Variants in CNTN2 observed in about 807,000 individuals in gnomAD.
The protein encoded by CNTN2 is contactin 2.
Under a neutral mutation model 117.5 loss-of-function variants are expected in CNTN2, and 53 were observed. That is an observed-to-expected ratio of 0.45 (90% CI 0.36 to 0.57). The LOEUF (loss-of-function observed/expected upper bound fraction) is 0.57, where lower values mean the gene tolerates loss of function less well. Among genes scored for constraint, CNTN2 ranks in the 20% least tolerant of loss-of-function variants. CNTN2 has a pLI of 0.00. For missense variants in CNTN2, 1,106 were observed against 1,404.3 expected, an observed-to-expected ratio of 0.79 and a Z score of 3.39; for synonymous variants, 530 against 561.7, an observed-to-expected ratio of 0.94 and a Z score of 0.80.
In CNTN2 at chr1:205,058,483, A is replaced by G; in HGVS notation, c.392-85A>G. ...GACCTCACATGACATGCCTTAGTGA[A>G]CTGCTGCTTCTCCGTGAAGGATGAG... On this transcript the variant is annotated intron_variant, in intron 4 of 22. Transcript: ENST00000331830. This position sits in a 1 kb window ranked among gnomAD's most constrained non-coding sequence, Gnocchi z 4.3. 6.4e-7 allele frequency: 1 copy of G among 1,556,964 alleles called. No individual in the cohort carries two copies. Among genetic ancestry groups the G allele is most frequent in the Non-Finnish European group, 8.8e-7 (1 of 1,134,556 alleles).
chr1:205,062,554 G>A lies in CNTN2; in HGVS notation c.1225G>A (p.Glu409Lys), dbSNP rs1332074487. 3.7e-6 allele frequency: 6 copies of A among 1,613,202 alleles called. No individual in the cohort carries two copies. Among genetic ancestry groups the A allele is most frequent in the East Asian group, 2.2e-5 (1 of 44,854 alleles). Reference sequence around the variant, plus strand: ...GCACGGTACCATCTACGCCAGCGCCGAGCTAGCCGTGCAAGGTAAGGGGCC... The same window carrying A: ...GCACGGTACCATCTACGCCAGCGCCAAGCTAGCCGTGCAAGGTAAGGGGCC... ...NKHGTIYASA[E>K]LAVQALAPDF... is the part of the protein sequence containing the mutation. The change falls in exon 10 of 23, where the codon GAG (glutamate) becomes AAG (lysine). Residue 409 changes from glutamate to lysine, a missense_variant. Coordinates refer to ENST00000331830, the MANE Select transcript of CNTN2 (RefSeq NM_005076.5).
At position 205,075,533 on chromosome 1, in the gene CNTN2, G is replaced by A. The variant is rs1654814970; in HGVS notation, c.*1768G>A. The A allele has an allele frequency of 1.3e-5, 2 of 152,648 alleles. No homozygotes were observed. Among genetic ancestry groups the A allele is most frequent in the Non-Finnish European group, 1.5e-5 (1 of 68,048 alleles). 9.5% of individuals were successfully genotyped at this position (152,648 alleles called of 1,614,324 possible). Reference sequence around the variant, plus strand: ...GGAAGCTCCGAGCCTGTTTTCTGTAGTTTATAGTTAGAGCTCTATTTTGTT... The same window carrying A: ...GGAAGCTCCGAGCCTGTTTTCTGTAATTTATAGTTAGAGCTCTATTTTGTT... On this transcript the variant is annotated 3_prime_UTR_variant, in exon 23 of 23. Coordinates refer to ENST00000331830, the MANE Select transcript of CNTN2 (RefSeq NM_005076.5).
rs1653963100 is a variant in CNTN2, at chr1:205,061,257, G to A, written c.810G>A (p.Arg270=). ...ECFAFGNPVP[R]IKWRKVDGSL... ...TCTCTCCTGCCAGCCCTGTCCCCCGGATCAAGTGGCGCAAAGTGGACGGCT... is the reference window on the plus strand; with the variant it reads ...TCTCTCCTGCCAGCCCTGTCCCCCGAATCAAGTGGCGCAAAGTGGACGGCT... The change falls in exon 8 of 23, where the codon CGG becomes CGA. Residue 270 remains arginine, a synonymous_variant. Coordinates refer to ENST00000331830, the MANE Select transcript of CNTN2 (RefSeq NM_005076.5). This position sits in a 1 kb window ranked among gnomAD's most constrained non-coding sequence, Gnocchi z 4.8. The A allele has an allele frequency of 1.2e-6, 2 of 1,610,240 alleles. No individual in the cohort carries two copies. Among genetic ancestry groups the A allele is most frequent in the Non-Finnish European group, 1.7e-6 (2 of 1,177,202 alleles).
At chr1:205,062,263 G>T (rs1654030587) in intron 9 of CNTN2, 177 bp from the exon 10 acceptor site, 1 of 941,918 alleles carries the variant, frequency 1.1e-6, no homozygotes, top group Middle Eastern at 3.0e-4. Context: ...GCTTTGGGGA[G>T]GCCTGGGTAA....
In CNTN2 at chr1:205,058,374, C is replaced by A; in HGVS notation, c.391+18C>A. 6.5e-7 allele frequency: 1 copy of A among 1,533,832 alleles called. No homozygotes were observed. Among genetic ancestry groups the A allele is most frequent in the Non-Finnish European group, 8.8e-7 (1 of 1,137,804 alleles). On this transcript the variant is annotated intron_variant, in intron 4 of 22. Transcript: ENST00000331830. This position sits in a 1 kb window ranked among gnomAD's most constrained non-coding sequence, Gnocchi z 4.3. ...CTTCGGCTGTGAGACCCGCGGGGGA[C>A]CAAGACACTTTGGGGGAGGGGGAGA...
At position 205,072,493 on chromosome 1, in the gene CNTN2, A is replaced by C. The variant is rs1574663202; in HGVS notation, c.2742A>C (p.Arg914=). The change falls in exon 21 of 23, where the codon CGA becomes CGC. Residue 914 remains arginine (R), a synonymous_variant. Coordinates refer to ENST00000331830, the MANE Select transcript of CNTN2 (RefSeq NM_005076.5). ...CTTCCTCTCTGGCAGCTCCGCGGCG[A>C]CCTCCTGGCAACATCTCCTGGACTT... ...NATTMKPPPR[R]PPGNISWTFS... is the part of the protein sequence containing the mutation. 6.2e-7 allele frequency: 1 copy of C among 1,614,032 alleles called. No individual in the cohort carries two copies. Among genetic ancestry groups the C allele is most frequent in the East Asian group, 2.2e-5 (1 of 44,878 alleles).
chr1:205,066,011 CG>C, intron 14 of CNTN2, 102 bp downstream of exon 14: 1 of 1,387,346 alleles, frequency 7.2e-7, no homozygotes, highest in Non-Finnish European at 9.7e-7. Flanking sequence ...CTCAAAGCTG[CG>C]GGGAAGGGCT....
Position 205,069,236 on chromosome 1 carries a change from T to C in CNTN2, c.2126-255T>C, listed in dbSNP as rs111308929. 4.4e-3 allele frequency: 2,154 copies of C among 487,892 alleles called. 50 individuals are homozygous for C. Among genetic ancestry groups the C allele is most frequent in the African/African-American group, 0.039 (1,998 of 51,546 alleles). The allele number at this position is 487,892 out of a possible 1,614,324, so 30.2% of individuals were successfully genotyped here. A position where few individuals can be genotyped will look rare whatever the true frequency, so the allele number is the denominator to read the frequency against. On this transcript the variant is annotated intron_variant, in intron 16 of 22. Coordinates refer to ENST00000331830, the MANE Select transcript of CNTN2 (RefSeq NM_005076.5). ...TCTGAGAGAAACATGATTATCTTCA[T>C]GGAGAAGAGAATCAGAGGCTCAGAA...
chr1:205,062,359 A>T, intron 9 of CNTN2, 81 bp from the exon 10 acceptor site: 1 of 1,521,020 alleles, frequency 6.6e-7, no homozygotes, highest in Non-Finnish European at 8.8e-7. Flanking sequence ...TAGAGTCTCC[A>T]CTGCTCCCAC....
In CNTN2 at chr1:205,066,548, A is replaced by T; in HGVS notation, c.1924A>T (p.Thr642Ser). Residue 642 changes from threonine to serine, a missense_variant, in exon 15 of 23, where the codon ACC becomes TCC. Coordinates refer to ENST00000331830, the MANE Select transcript of CNTN2 (RefSeq NM_005076.5). The stretch of plus-strand genomic sequence containing the variant: ...CAACCACAGCCCCATCGCTAAGTAC[A>T]CCCTGCAAGCTCGCACTCCACCTGC... ...FDNHSPIAKYTLQARTPPAGK... is the reference protein window; with the variant it reads ...FDNHSPIAKYSLQARTPPAGK... 6.2e-7 allele frequency: 1 copy of T among 1,613,928 alleles called. No homozygotes were observed. The highest frequency in any genetic ancestry group is 8.5e-7 in the Non-Finnish European group (1 of 1,179,988).
intron 19 of CNTN2, 69 bp downstream of exon 19, chr1:205,070,607 A>C: frequency 8.6e-6 from 9 of 1,047,422 alleles, no homozygotes; most frequent in African/African-American, 1.6e-5. Context: ...GGAACAACTC[A>C]CAGACCACTA....
intron 2 of CNTN2, among the ~76,000 whole-genome samples, chr1:205,056,487 A>G (rs1653629931): frequency 6.6e-6 from 1 of 152,214 alleles, no homozygotes; most frequent in Non-Finnish European, 1.5e-5. Flanking sequence ...CTCCTACCTC[A>G]TTCTGAGAGC....
Position 205,065,109 on chromosome 1 carries a change from C to A in CNTN2, c.1542C>A (p.Ala514=). ...CAGATGCAACCAAAATCACTCTAGC[C>A]CCCTCAAGTGCCGACATCAACTTGG... ...SVRDATKITL[A]PSSADINLGD... is the part of the protein sequence containing the mutation. The change falls in exon 13 of 23, where the codon GCC becomes GCA. Residue 514 remains alanine (A), a synonymous_variant. Coordinates refer to ENST00000331830, the MANE Select transcript of CNTN2 (RefSeq NM_005076.5). The surrounding 1 kb of genome is among the most constrained non-coding windows in gnomAD (Gnocchi z 4.1). The A allele has an allele frequency of 6.2e-7, 1 of 1,614,104 alleles. No individual in the cohort carries two copies. Among genetic ancestry groups the A allele is most frequent in the African/African-American group, 1.3e-5 (1 of 75,038 alleles).
chr1:205,074,267 C>T lies in CNTN2; in HGVS notation c.*502C>T, dbSNP rs1654750944. 4.9e-6 allele frequency: 2 copies of T among 406,812 alleles called. No homozygotes were observed. The highest frequency in any genetic ancestry group is 4.1e-5 in the Admixed American group (1 of 24,600). The allele number at this position is 406,812 out of a possible 1,614,324, so 25.2% of individuals were successfully genotyped here. Reference sequence around the variant, plus strand: ...GGGACCAAGAGCTCTCCCGCCTTCTCCCTCGAGCAGCAGCAAGGACCCTGA... The same window carrying T: ...GGGACCAAGAGCTCTCCCGCCTTCTTCCTCGAGCAGCAGCAAGGACCCTGA... On this transcript the variant is annotated 3_prime_UTR_variant, in exon 23 of 23. Coordinates refer to ENST00000331830, the MANE Select transcript of CNTN2 (RefSeq NM_005076.5).
chr1:205,073,941 T>C lies in CNTN2; in HGVS notation c.*176T>C, dbSNP rs1654733189. 11 of 612,232 alleles carry C rather than the reference T, an allele frequency of 1.8e-5. No homozygotes were observed. Among genetic ancestry groups the C allele is most frequent in the South Asian group, 7.8e-5 (4 of 51,344 alleles). The allele number at this position is 612,232 out of a possible 1,614,324, so 37.9% of individuals were successfully genotyped here. A position where few individuals can be genotyped will look rare whatever the true frequency, so the allele number is the denominator to read the frequency against. On this transcript the variant is annotated 3_prime_UTR_variant, in exon 23 of 23. Coordinates refer to ENST00000331830, the MANE Select transcript of CNTN2 (RefSeq NM_005076.5). The surrounding 1 kb of genome is among the most constrained non-coding windows in gnomAD (Gnocchi z 6.3). ...GGATATTTTATATTCTGCCGCAGGA[T>C]AGAACCCACGCAAGGATTTTCTTTA...
At chr1:205,057,859 C>T in intron 2 of CNTN2, 62 bp from the exon 3 acceptor site, 1 of 1,578,202 alleles carries the variant, frequency 6.3e-7, no homozygotes, top group Non-Finnish European at 8.6e-7. Context: ...CAGCACAGCC[C>T]AAGAGGCCAG....
intron 2 of CNTN2, among the ~76,000 whole-genome samples, chr1:205,055,462 C>G (rs1176602961): frequency 1.3e-5 from 2 of 152,128 alleles, no homozygotes; most frequent in African/African-American, 4.8e-5. Context: ...GGAGGTGGTA[C>G]TACGCTGGGG....
rs2229868 is a variant in CNTN2 at position 205,072,030 on chromosome 1, C to A, written c.2628C>A (p.Ser876Arg). Residue 876 changes from serine to arginine, a missense_variant, in exon 20 of 23, where the codon AGC becomes AGA. Physicochemically the swap from Ser to Arg is moderately radical, Grantham distance 110. Transcript: ENST00000331830. ...GGCTGGACACCAGTGCCCGAGTCAG[C>A]GGCCTGCATCCCAACACCAAGTACC... ...TAGLDTSARVSGLHPNTKYHV... is the reference protein window; with the variant it reads ...TAGLDTSARVRGLHPNTKYHV... 2 of 1,613,856 alleles carry A rather than the reference C, an allele frequency of 1.2e-6. No homozygotes were observed. Among genetic ancestry groups the A allele is most frequent in the African/African-American group, 2.7e-5 (2 of 74,876 alleles).
intron 21 of CNTN2, chr1:205,072,824 C>T (rs6696846): frequency 0.4 from 253,405 of 634,640 alleles, 55,473 homozygotes; most frequent in Non-Finnish European, 0.48. Flanking sequence ...TTCACAGGGG[C>T]AGTGATGGAC....
Sources: gnomAD v4.1 joint callset for allele counts (sites outside exome capture counted in the v4.1 genomes callset) on GRCh38, gnomAD v4.1.1 for gene constraint, Gnocchi (gnomAD v3.1) non-coding constraint, MANE v1.5 for transcripts, NCBI Gene and HGNC (gene_info 2026-07-23, HGNC 2026-07-21) for gene names.